Variants in DPYSL3 observed in about 807,000 individuals in gnomAD.
The protein encoded by DPYSL3 is dihydropyrimidinase like 3.
A neutral mutation model predicts 66.1 loss-of-function variants in DPYSL3; 16 were observed. The observed-to-expected ratio is 0.24, with a 90% confidence interval of 0.16 to 0.37. The LOEUF (loss-of-function observed/expected upper bound fraction) is 0.37. Among genes scored for constraint, DPYSL3 ranks in the 10% least tolerant of loss-of-function variants. The probability of loss-of-function intolerance (pLI) is 1.00; values close to 1 mark genes in which losing one functional copy is unlikely to be tolerated. For synonymous variants in DPYSL3, 338 were observed against 345.1 expected, an observed-to-expected ratio of 0.98 and a Z score of 0.23; for missense variants, 738 against 916.2, an observed-to-expected ratio of 0.81 and a Z score of 2.51.
intron 1 of DPYSL3, among the ~76,000 whole-genome samples, chr5:147,483,504 C>A (rs1295237537): frequency 6.6e-6 from 1 of 152,182 alleles, no homozygotes; most frequent in Non-Finnish European, 1.5e-5. Context: ...ATGCCAGGCA[C>A]TGTTCTAACT....
chr5:147,493,311 G>A (rs11960473), intron 1 of DPYSL3, among the ~76,000 whole-genome samples: 5,476 of 152,294 alleles, frequency 0.036, 332 homozygotes, highest in African/African-American at 0.12. Context: ...GGTGGTTCAT[G>A]TCTGTAATTC....
At chr5:147,415,931 C>A in intron 3 of DPYSL3, 58 bp from the exon 4 acceptor site, 1 of 1,570,012 alleles carries the variant, frequency 6.4e-7, no homozygotes, top group South Asian at 1.2e-5. Flanking sequence ...CTCCCCTCTG[C>A]CCAGGCCTGC....
At chr5:147,436,156 G>T (rs909512747) in intron 1 of DPYSL3, among the ~76,000 whole-genome samples, 1 of 152,182 alleles carries the variant, frequency 6.6e-6, no homozygotes, top group Non-Finnish European at 1.5e-5. Flanking sequence ...AACCAACTAA[G>T]GCACACCATA....
chr5:147,471,075 A>G (rs894591612), intron 1 of DPYSL3, among the ~76,000 whole-genome samples: 1 of 152,182 alleles, frequency 6.6e-6, no homozygotes, highest in African/African-American at 2.4e-5. Context: ...TTGAATAAAT[A>G]CATATAAACA....
Position 147,509,880 on chromosome 5 carries a change from C to A in DPYSL3, c.-22G>T, listed in dbSNP as rs1198632333. Reference sequence around the variant, plus strand: ...CCATGGTTCAAGCACGAAAGCGGCCCGCGGGTTTTTCTTCCCCAGAGGCGG... The same window carrying A: ...CCATGGTTCAAGCACGAAAGCGGCCAGCGGGTTTTTCTTCCCCAGAGGCGG... On this transcript the variant is annotated 5_prime_UTR_variant, in exon 1 of 14. Transcript: ENST00000343218. This position sits in a 1 kb window ranked among gnomAD's most constrained non-coding sequence, Gnocchi z 5.3. 2 of 1,488,278 alleles carry A rather than the reference C, an allele frequency of 1.3e-6. No homozygotes were observed. The highest frequency in any genetic ancestry group is 1.8e-6 in the Non-Finnish European group (2 of 1,118,592). The allele number at this position is 1,488,278 out of a possible 1,614,324, so 92.2% of individuals were successfully genotyped here.
chr5:147,496,094 A>G (rs375801788), intron 1 of DPYSL3, among the ~76,000 whole-genome samples: 6 of 152,198 alleles, frequency 3.9e-5, no homozygotes, highest in Non-Finnish European at 8.8e-5. Flanking sequence ...AAATAATGCC[A>G]CATATCTACA....
intron 1 of DPYSL3, among the ~76,000 whole-genome samples, chr5:147,463,563 A>G (rs1752966208): frequency 6.6e-6 from 1 of 152,140 alleles, no homozygotes; most frequent in African/African-American, 2.4e-5. Flanking sequence ...GAGGGCATCC[A>G]TCACAGAAGA....
intron 1 of DPYSL3, chr5:147,473,076 G>C (rs576257153): frequency 1.3e-5 from 2 of 152,228 alleles, no homozygotes; most frequent in East Asian, 3.9e-4. Flanking sequence ...ACGGGAACCA[G>C]ACTTTGTTTC....
At position 147,393,783 on chromosome 5, in the gene DPYSL3, CT is replaced by C; in HGVS notation, c.*251del. The C allele has an allele frequency of 4.0e-6, 2 of 505,690 alleles. No homozygotes were observed. The highest frequency in any genetic ancestry group is 7.1e-5 in the East Asian group (2 of 28,360). 31.3% of individuals were successfully genotyped at this position (505,690 alleles called of 1,614,324 possible). On this transcript the variant is annotated 3_prime_UTR_variant, in exon 14 of 14. Transcript: ENST00000343218. The stretch of plus-strand genomic sequence containing the variant: ...GAGCAGACTCTTTTACCTTAGTGGC[CT>C]GTCTGATTGCATGCATGTAAATGGG...
In DPYSL3 at chr5:147,485,766, C is replaced by T. The variant is rs77032362; in HGVS notation, c.381+23712G>A. On this transcript the variant is annotated intron_variant, in intron 1 of 13. Coordinates refer to ENST00000343218, the MANE Select transcript of DPYSL3 (RefSeq NM_001197294.2). ...GAAATTGGAGTCTCAGCTCCTCCTC[C>T]GCAATCCTCTTCTATTAACTGTAAC... Among the ~76,000 whole-genome samples, 652 of 152,284 alleles carry T rather than the reference C, an allele frequency of 4.3e-3. 1 individual carries two copies. The highest frequency in any genetic ancestry group is 0.01 in the Middle Eastern group (3 of 294).
chr5:147,431,379 T>A (rs1752312275), intron 1 of DPYSL3, among the ~76,000 whole-genome samples: 1 of 152,104 alleles, frequency 6.6e-6, no homozygotes, highest in South Asian at 2.1e-4. Context: ...TACCCGTGTT[T>A]GGATAAATGA....
chr5:147,467,644 T>A (rs941672527), intron 1 of DPYSL3, among the ~76,000 whole-genome samples: 5 of 152,208 alleles, frequency 3.3e-5, no homozygotes, highest in African/African-American at 1.2e-4. Context: ...ACAAACAATT[T>A]ACACGGACCT....
intron 1 of DPYSL3, among the ~76,000 whole-genome samples, chr5:147,504,416 C>T (rs1002144518): frequency 6.6e-6 from 1 of 152,238 alleles, no homozygotes; most frequent in Non-Finnish European, 1.5e-5. Flanking sequence ...CTCCCAGATT[C>T]AAGTGTGGCC....
intron 10 of DPYSL3, 30 bp downstream of exon 10, chr5:147,400,662 G>A (rs1285736365): frequency 6.2e-7 from 1 of 1,608,502 alleles, no homozygotes; most frequent in Admixed American, 1.7e-5. Flanking sequence ...TTTTGGCTCT[G>A]GCCACCCTCC....
rs749216433 is a variant in DPYSL3 at position 147,501,478 on chromosome 5, A to ATTT, written c.381+7997_381+7999dup. On this transcript the variant is annotated intron_variant, in intron 1 of 13. Coordinates refer to ENST00000343218, the MANE Select transcript of DPYSL3 (RefSeq NM_001197294.2). ...AAACTATGGATTTGTGGTGATAATG[A>ATTT]TTTTTTTTTTTTTTTTTTTTTTTTT... Among the ~76,000 whole-genome samples, 843 of 91,054 alleles carry ATTT rather than the reference A, an allele frequency of 9.3e-3. 69 individuals are homozygous for ATTT. The highest frequency in any genetic ancestry group is 0.023 in the African/African-American group (524 of 22,510). 59.7% of individuals were successfully genotyped at this position (91,054 alleles called of 152,430 possible).
At chr5:147,458,439 G>A (rs556750725) in intron 1 of DPYSL3, among the ~76,000 whole-genome samples, 82 of 152,298 alleles carry the variant, frequency 5.4e-4, no homozygotes, top group African/African-American at 1.8e-3. Context: ...ATATCATCAA[G>A]AAAGAATCAT....
chr5:147,462,890 A>G (rs1752954898), intron 1 of DPYSL3, among the ~76,000 whole-genome samples: 1 of 152,100 alleles, frequency 6.6e-6, no homozygotes, highest in South Asian at 2.1e-4. Context: ...AAAATTACAC[A>G]CTATCTGAAA....
chr5:147,394,012 C>T lies in DPYSL3; in HGVS notation c.*23G>A. 1 of 1,612,268 alleles carries T rather than the reference C, an allele frequency of 6.2e-7. No homozygotes were observed. Among genetic ancestry groups the T allele is most frequent in the Non-Finnish European group, 8.5e-7 (1 of 1,178,588 alleles). ...CAAAACAATCTCTTCTTGCTTCTGC[C>T]CCTCTCTTTGAGGAAGGCTTGCTTA... On this transcript the variant is annotated 3_prime_UTR_variant, in exon 14 of 14. Coordinates refer to ENST00000343218, the MANE Select transcript of DPYSL3 (RefSeq NM_001197294.2).
At chr5:147,498,503 G>A (rs544048864) in intron 1 of DPYSL3, among the ~76,000 whole-genome samples, 8 of 152,200 alleles carry the variant, frequency 5.3e-5, no homozygotes, top group Non-Finnish European at 1.0e-4. Flanking sequence ...AAGTCTCTGA[G>A]GAATTGCCAC....
Sources: gnomAD v4.1 joint callset for allele counts (sites outside exome capture counted in the v4.1 genomes callset) on GRCh38, gnomAD v4.1.1 for gene constraint, Gnocchi (gnomAD v3.1) non-coding constraint, MANE v1.5 for transcripts, NCBI Gene and HGNC (gene_info 2026-07-23, HGNC 2026-07-21) for gene names.